The following CRB1 variants were observed in gnomAD, a reference collection of about 807,000 sequenced individuals.
CRB1 encodes the protein crumbs cell polarity complex component 1, also known as protein crumbs homolog 1.
CRB1 carries 83 observed loss-of-function variants against 120.0 expected under a neutral mutation model. The observed-to-expected ratio is 0.69, with a 90% CI of 0.58 to 0.83. CRB1 has a LOEUF of 0.83. CRB1 is among the 40% of genes least tolerant of loss of function. CRB1 has a pLI of 0.00. For missense variants in CRB1, 1,699 were observed against 1,687.6 expected, an observed-to-expected ratio of 1.01 and a Z score of -0.12; for synonymous variants, 625 against 612.5, an observed-to-expected ratio of 1.02 and a Z score of -0.30.
chr1:197,424,066 T>C (rs1190192580), intron 6 of CRB1, among the ~76,000 whole-genome samples: 2 of 152,214 alleles, frequency 1.3e-5, no homozygotes, highest in African/African-American at 2.4e-5. Context: ...TACATATCTC[T>C]TCTTTTCAGC....
At chr1:197,462,888 C>CTTTTTTTTTTTTTTTT (rs66833712) in intron 11 of CRB1, among the ~76,000 whole-genome samples, 1 of 147,596 alleles carries the variant, frequency 6.8e-6, no homozygotes, top group Non-Finnish European at 1.5e-5. Context: ...CAATGCAGAT[C>CTTTTTTTTTTTTTTTT]TTTTTTTTTT....
At chr1:197,450,464 T>C (rs189018749) in intron 11 of CRB1, among the ~76,000 whole-genome samples, 1 of 152,096 alleles carries the variant, frequency 6.6e-6, no homozygotes, top group Admixed American at 6.5e-5. Flanking sequence ...AAGTTTGGCA[T>C]ATGAATGATC....
chr1:197,460,001 CTTTTTT>C (rs10679172), intron 11 of CRB1, among the ~76,000 whole-genome samples: 1 of 75,614 alleles, frequency 1.3e-5, no homozygotes, highest in East Asian at 5.4e-4. Flanking sequence ...AAGCCCCCCT[CTTTTTT>C]TTTTTTTTTT....
In CRB1 at chr1:197,372,674, G is replaced by T. The variant is rs183151891; in HGVS notation, c.1171+15661G>T. Reference sequence around the variant, plus strand: ...TTTGGGAGGCCAAGGCAGGAGGTTTGAGACCAGGTTAGGCAATATAATGAG... The same window carrying T: ...TTTGGGAGGCCAAGGCAGGAGGTTTTAGACCAGGTTAGGCAATATAATGAG... On this transcript the variant is annotated intron_variant, in intron 5 of 11. Coordinates refer to ENST00000367400, the MANE Select transcript of CRB1 (RefSeq NM_201253.3). Among the ~76,000 whole-genome samples the T allele has an allele frequency of 1.4e-4, 21 of 151,544 alleles. No individual in the cohort carries two copies. In the East Asian group the frequency reaches 3.7e-3, roughly 27 times the overall value.
In CRB1 at chr1:197,346,308, T is replaced by C. The variant is rs1002766485; in HGVS notation, c.849-1032T>C. 2.6e-5 allele frequency among the ~76,000 whole-genome samples: 4 copies of C among 151,766 alleles called. No individual in the cohort carries two copies. In the East Asian group the frequency reaches 7.7e-4, roughly 29 times the overall value. On this transcript the variant is annotated intron_variant, in intron 3 of 11. Transcript: ENST00000367400. ...CAGAACTGAAAAAAAAAAAAAGAAC[T>C]TCTTGCATACCAAAGGAATTATGCA...
chr1:197,315,036 T>C (rs1023149209), intron 1 of CRB1, among the ~76,000 whole-genome samples: 3 of 152,194 alleles, frequency 2.0e-5, no homozygotes, highest in African/African-American at 4.8e-5. Context: ...CTCATCTCAT[T>C]GTATTCCTTC....
At chr1:197,242,007 T>C in the CRB1 span, among the ~76,000 whole-genome samples, 4 of 152,306 alleles carry the variant, frequency 2.6e-5, no homozygotes, top group South Asian at 8.3e-4. Flanking sequence ...CATTGGTGTA[T>C]AGGAATGCTT....
intron 2 of CRB1, among the ~76,000 whole-genome samples, chr1:197,338,431 A>G (rs1411271987): frequency 6.6e-6 from 1 of 152,200 alleles, no homozygotes; most frequent in Non-Finnish European, 1.5e-5. Context: ...GACAACTGTA[A>G]TCATTAGATA....
the CRB1 span, among the ~76,000 whole-genome samples, chr1:197,239,715 GTT>G: frequency 6.8e-6 from 1 of 146,952 alleles, no homozygotes; most frequent in East Asian, 2.0e-4. Context: ...AACATCTGTA[GTT>G]TTTTTTTTGT....
intron 1 of CRB1, among the ~76,000 whole-genome samples, chr1:197,274,920 G>T (rs928699062): frequency 3.3e-5 from 5 of 152,004 alleles, no homozygotes; most frequent in Non-Finnish European, 7.4e-5. Flanking sequence ...GTGGCTTAAA[G>T]CAACATAAAT....
At chr1:197,373,063 G>C (rs1355882003) in intron 5 of CRB1, among the ~76,000 whole-genome samples, 1 of 152,090 alleles carries the variant, frequency 6.6e-6, no homozygotes, top group Non-Finnish European at 1.5e-5. Context: ...TCGGGTGCTA[G>C]AATTGTTATT....
At chr1:197,258,052 A>G in the CRB1 span, among the ~76,000 whole-genome samples, 1 of 152,152 alleles carries the variant, frequency 6.6e-6, no homozygotes, top group Non-Finnish European at 1.5e-5. Context: ...TAAATACTTG[A>G]TATTATCTTT....
At chr1:197,377,096 A>T (rs1202491141) in intron 5 of CRB1, among the ~76,000 whole-genome samples, 1 of 152,056 alleles carries the variant, frequency 6.6e-6, no homozygotes, top group Non-Finnish European at 1.5e-5. Flanking sequence ...ACCTCCCACA[A>T]AAATGCCACC....
At chr1:197,203,008 A>G in the CRB1 span, among the ~76,000 whole-genome samples, 1 of 151,866 alleles carries the variant, frequency 6.6e-6, no homozygotes, top group Non-Finnish European at 1.5e-5. Context: ...TGACGGAGAG[A>G]GAGAGAGATA....
chr1:197,214,304 G>T, the CRB1 span, among the ~76,000 whole-genome samples: 1 of 151,956 alleles, frequency 6.6e-6, no homozygotes, highest in Non-Finnish European at 1.5e-5. Flanking sequence ...CTTACATGTG[G>T]ATTTTTTTTT....
intron 5 of CRB1, among the ~76,000 whole-genome samples, chr1:197,396,883 T>C (rs1411735029): frequency 3.9e-5 from 6 of 152,098 alleles, no homozygotes; most frequent in Non-Finnish European, 8.8e-5. Flanking sequence ...GATCTTGGGC[T>C]CAGCAAAGAT....
At chr1:197,237,435 A>C in the CRB1 span, among the ~76,000 whole-genome samples, 1 of 152,148 alleles carries the variant, frequency 6.6e-6, no homozygotes, top group Non-Finnish European at 1.5e-5. Context: ...GGCTCCCTTC[A>C]ACCTCTTTTT....
intron 2 of CRB1, among the ~76,000 whole-genome samples, chr1:197,338,348 T>G (rs1370324040): frequency 6.6e-6 from 1 of 152,034 alleles, no homozygotes; most frequent in Non-Finnish European, 1.5e-5. Context: ...TACAGATGGA[T>G]TTAGAGAAAA....
chr1:197,330,233 G>A (rs1183383239), intron 2 of CRB1, among the ~76,000 whole-genome samples: 1 of 151,980 alleles, frequency 6.6e-6, no homozygotes, highest in Admixed American at 6.6e-5. Flanking sequence ...GTTCCAAATT[G>A]AGCTCATCCA....
Sources: gnomAD v4.1 joint callset for allele counts (sites outside exome capture counted in the v4.1 genomes callset) on GRCh38, gnomAD v4.1.1 for gene constraint, MANE v1.5 for transcripts, NCBI Gene and HGNC (gene_info 2026-07-23, HGNC 2026-07-21) for gene names.